MAGI1: variants seen among roughly 807,000 people sequenced by gnomAD.
MAGI1 encodes the protein membrane-associated guanylate kinase, WW and PDZ domain-containing protein 1.
A neutral mutation model predicts 139.9 loss-of-function variants in MAGI1; 58 were observed. The ratio of observed to expected loss-of-function variants is 0.41; its 90% confidence interval spans 0.34 to 0.52. MAGI1 has a LOEUF of 0.52. Among genes scored for constraint, MAGI1 ranks in the 20% least tolerant of loss-of-function variants. The pLI is 0.12. For synonymous variants in MAGI1, 812 were observed against 737.9 expected (o/e 1.10, Z -1.63); for missense variants, 1,874 against 1,901.6 (o/e 0.99, Z 0.27).
chr3:65,683,015 T>C (rs1287018549), intron 1 of MAGI1, among the ~76,000 whole-genome samples: 2 of 151,944 alleles, frequency 1.3e-5, no homozygotes, highest in Non-Finnish European at 2.9e-5. Flanking sequence ...ATCCCCCACA[T>C]GCACAGTTCA....
chr3:65,714,759 A>C (rs148911074), intron 1 of MAGI1, among the ~76,000 whole-genome samples: 264 of 152,206 alleles, frequency 1.7e-3, no homozygotes, highest in African/African-American at 6.1e-3. Context: ...AGTCTCTTTT[A>C]AGGACAACTC....
At chr3:65,839,536 A>C (rs2058737092) in intron 1 of MAGI1, among the ~76,000 whole-genome samples, 1 of 152,216 alleles carries the variant, frequency 6.6e-6, no homozygotes, top group African/African-American at 2.4e-5. Flanking sequence ...TGGAGGAAGG[A>C]CAGTCTTCAA....
At chr3:65,872,671 C>T (rs1407236188) in intron 1 of MAGI1, 3 of 152,124 alleles carry the variant, frequency 2.0e-5, no homozygotes, top group Non-Finnish European at 2.9e-5. Context: ...TACCCAGATG[C>T]ATATGAATAG....
At chr3:66,011,199 T>TC (rs1415639994) in intron 1 of MAGI1, among the ~76,000 whole-genome samples, 1 of 152,160 alleles carries the variant, frequency 6.6e-6, no homozygotes, top group Non-Finnish European at 1.5e-5. Context: ...TCAGCTAACT[T>TC]CAAGGGTGTC....
chr3:65,602,398 G>A (rs745927749), intron 2 of MAGI1, among the ~76,000 whole-genome samples: 8 of 152,216 alleles, frequency 5.3e-5, no homozygotes, highest in South Asian at 4.1e-4. Context: ...GATACGACAT[G>A]GATAAACCTG....
intron 2 of MAGI1, among the ~76,000 whole-genome samples, chr3:65,593,404 G>C (rs973416662): frequency 1.4e-4 from 21 of 147,924 alleles, no homozygotes; most frequent in Admixed American, 1.3e-3. Flanking sequence ...TGAAGGATGG[G>C]GGGGAAAGGA....
At chr3:65,362,838 C>T (rs140990958) in intron 21 of MAGI1, among the ~76,000 whole-genome samples, 114 of 152,312 alleles carry the variant, frequency 7.5e-4, no homozygotes, top group African/African-American at 2.6e-3. Context: ...ATCATCTAAT[C>T]TGCCCAGGAG....
chr3:65,680,693 T>C (rs908864723), intron 1 of MAGI1, among the ~76,000 whole-genome samples: 48 of 152,178 alleles, frequency 3.2e-4, no homozygotes, highest in African/African-American at 1.0e-3. Flanking sequence ...AGTGCTAGGA[T>C]TGCAGGAGTG....
At chr3:65,646,617 C>A (rs1282223528) in intron 1 of MAGI1, among the ~76,000 whole-genome samples, 1 of 151,916 alleles carries the variant, frequency 6.6e-6, no homozygotes. Flanking sequence ...CAAGTGCCCA[C>A]AGAACATATA....
chr3:65,629,997 A>G (rs1191439274), intron 1 of MAGI1, among the ~76,000 whole-genome samples: 5 of 152,346 alleles, frequency 3.3e-5, no homozygotes, highest in Non-Finnish European at 5.9e-5. Context: ...GATTTTAAAA[A>G]TACACAAACG....
intron 1 of MAGI1, among the ~76,000 whole-genome samples, chr3:65,880,150 G>A (rs1242532917): frequency 6.6e-6 from 1 of 152,184 alleles, no homozygotes; most frequent in Non-Finnish European, 1.5e-5. Context: ...GCTAAGGCAG[G>A]AGGACTGCTT....
intron 1 of MAGI1, among the ~76,000 whole-genome samples, chr3:65,940,180 T>G (rs61225842): frequency 2.6e-5 from 4 of 152,260 alleles, no homozygotes; most frequent in South Asian, 4.1e-4. Flanking sequence ...CTACCTCTTA[T>G]TCCAAGCAAA....
chr3:65,637,355 C>A (rs534205431), intron 1 of MAGI1, among the ~76,000 whole-genome samples: 1 of 151,898 alleles, frequency 6.6e-6, no homozygotes, highest in Non-Finnish European at 1.5e-5. Context: ...GAGTTCAAGA[C>A]CAGCCTTGGC....
intron 1 of MAGI1, among the ~76,000 whole-genome samples, chr3:65,867,801 G>A (rs4494961): frequency 0.13 from 20,236 of 151,974 alleles, 1,985 homozygotes; most frequent in East Asian, 0.34. Flanking sequence ...AACAAGCACA[G>A]TAAGACAGCT....
chr3:65,721,914 A>G (rs1576883578), intron 1 of MAGI1, among the ~76,000 whole-genome samples: 1 of 151,650 alleles, frequency 6.6e-6, no homozygotes, highest in East Asian at 1.9e-4. Flanking sequence ...GTAATTCCCT[A>G]CTTTCCCAGT....
At chr3:65,813,951 T>C (rs1285750923) in intron 1 of MAGI1, among the ~76,000 whole-genome samples, 2 of 152,182 alleles carry the variant, frequency 1.3e-5, no homozygotes, top group Non-Finnish European at 1.5e-5. Context: ...CTTGCTCCCA[T>C]TCATCCCAGA....
intron 1 of MAGI1, among the ~76,000 whole-genome samples, chr3:65,824,391 G>T (rs2042113653): frequency 6.6e-6 from 1 of 152,182 alleles, no homozygotes; most frequent in South Asian, 2.1e-4. Context: ...AAAGCAACAT[G>T]TCTTCAATGA....
chr3:65,908,167 G>A (rs954677537), intron 1 of MAGI1, among the ~76,000 whole-genome samples: 1 of 152,106 alleles, frequency 6.6e-6, no homozygotes, highest in South Asian at 2.1e-4. Flanking sequence ...TATTTTGCTA[G>A]CTCACATACA....
At chr3:65,971,322 G>A (rs527429973) in intron 1 of MAGI1, among the ~76,000 whole-genome samples, 1 of 152,318 alleles carries the variant, frequency 6.6e-6, no homozygotes, top group South Asian at 2.1e-4. Flanking sequence ...CATTCCTTAA[G>A]AGTCTATGGA....
Sources: gnomAD v4.1 joint callset for allele counts (sites outside exome capture counted in the v4.1 genomes callset) on GRCh38, gnomAD v4.1.1 for gene constraint, MANE v1.5 for transcripts, NCBI Gene and HGNC (gene_info 2026-07-23, HGNC 2026-07-21) for gene names.